AGAP1: variants seen among roughly 807,000 people sequenced by gnomAD.
AGAP1 encodes ArfGAP with GTPase domain, ankyrin repeat and PH domain 1, also known as arf-GAP with GTPase, ANK repeat and PH domain-containing protein 1.
In AGAP1, 29 loss-of-function variants were observed where a neutral mutation model predicts 105.3. The observed-to-expected ratio is 0.28, with a 90% CI of 0.21 to 0.38. The LOEUF (loss-of-function observed/expected upper bound fraction) is 0.38, where lower values mean the gene tolerates loss of function less well. AGAP1 is among the 10% of genes least tolerant of loss of function. AGAP1 has a pLI of 1.00. For synonymous variants in AGAP1, 509 were observed against 485.9 expected, an observed-to-expected ratio of 1.05 and a Z score of -0.63; for missense variants, 998 against 1,165.1, an observed-to-expected ratio of 0.86 and a Z score of 2.09.
intron 6 of AGAP1, among the ~76,000 whole-genome samples, chr2:235,778,465 T>G (rs1358334522): frequency 6.6e-6 from 1 of 152,186 alleles, no homozygotes; most frequent in Non-Finnish European, 1.5e-5. Flanking sequence ...AGAGTCCCTG[T>G]CCTCATGCTT....
chr2:235,858,575 T>C (rs144590953), intron 9 of AGAP1, among the ~76,000 whole-genome samples: 53 of 152,270 alleles, frequency 3.5e-4, no homozygotes, highest in African/African-American at 1.2e-3. Flanking sequence ...AACTAATAAC[T>C]GTTACTGAGA....
Position 236,012,115 on chromosome 2 carries a change from C to T in AGAP1, c.1646-24446C>T, listed in dbSNP as rs574934641. The stretch of plus-strand genomic sequence containing the variant: ...TTTGTTTAAGGGGAAGAAACAGGCA[C>T]GACATTTTGCACATTAAAATGGATT... On this transcript the variant is annotated intron_variant, in intron 13 of 17. Coordinates refer to ENST00000304032, the MANE Select transcript of AGAP1 (RefSeq NM_001037131.3). The surrounding 1 kb of genome is among the most constrained non-coding windows in gnomAD (Gnocchi z 4.9). 6.6e-5 allele frequency among the ~76,000 whole-genome samples: 10 copies of T among 152,072 alleles called. No homozygotes were observed. The highest frequency in any genetic ancestry group is 1.2e-4 in the Non-Finnish European group (8 of 68,010).
rs869231540 is a variant in AGAP1 at position 236,005,120 on chromosome 2, G to GTT, written c.1646-31436_1646-31435dup. Among the ~76,000 whole-genome samples the GTT allele has an allele frequency of 1.1e-4, 15 of 141,558 alleles. No homozygotes were observed. The highest frequency in any genetic ancestry group is 1.5e-4 in the Non-Finnish European group (10 of 65,224). 92.9% of individuals were successfully genotyped at this position (141,558 alleles called of 152,430 possible). A position where few individuals can be genotyped will look rare whatever the true frequency, so the allele number is the denominator to read the frequency against. On this transcript the variant is annotated intron_variant, in intron 13 of 17. Transcript: ENST00000304032. The surrounding 1 kb of genome is among the most constrained non-coding windows in gnomAD (Gnocchi z 4.1). Reference sequence around the variant, plus strand: ...CACTTCCCCCTGACAAGTTTCCCATGTTTTTTGTGTGTGTGTGTGTTTTGG... The same window carrying GTT: ...CACTTCCCCCTGACAAGTTTCCCATGTTTTTTTTGTGTGTGTGTGTGTTTTGG...
intron 13 of AGAP1, among the ~76,000 whole-genome samples, chr2:236,008,168 T>C (rs2056387362): frequency 6.6e-6 from 1 of 152,138 alleles, no homozygotes; most frequent in Non-Finnish European, 1.5e-5. Flanking sequence ...CTGATCACGG[T>C]AAAGTTATTT....
chr2:236,120,546 C>A lies in AGAP1; in HGVS notation c.2370+99C>A. On this transcript the variant is annotated intron_variant, in intron 17 of 17. Transcript: ENST00000304032. The surrounding 1 kb of genome is among the most constrained non-coding windows in gnomAD (Gnocchi z 6.0). ...ATCTTTCTGGCAGAAGGCTGTTGTT[C>A]TCGATCTGCAAGTGGAAACAGTTCC... 1.3e-6 allele frequency: 2 copies of A among 1,553,402 alleles called. No homozygotes were observed. Among genetic ancestry groups the A allele is most frequent in the Non-Finnish European group, 8.7e-7 (1 of 1,153,244 alleles).
chr2:236,018,707 G>C (rs1321136752), intron 13 of AGAP1, among the ~76,000 whole-genome samples: 3 of 152,184 alleles, frequency 2.0e-5, no homozygotes, highest in Non-Finnish European at 4.4e-5. Context: ...TCTTCAAATA[G>C]GTGATGACAC....
intron 9 of AGAP1, among the ~76,000 whole-genome samples, chr2:235,868,416 T>C (rs1450601844): frequency 6.6e-6 from 1 of 152,194 alleles, no homozygotes; most frequent in African/African-American, 2.4e-5. Flanking sequence ...TGAGGAATGC[T>C]GCCCGCAGAG....
At chr2:235,697,837 A>G (rs1385764995) in intron 1 of AGAP1, among the ~76,000 whole-genome samples, 1 of 152,166 alleles carries the variant, frequency 6.6e-6, no homozygotes, top group Admixed American at 6.5e-5. Context: ...TCAGCATATG[A>G]ATTGTAAATA....
chr2:236,004,112 C>T (rs933315433), intron 13 of AGAP1, among the ~76,000 whole-genome samples: 3 of 152,140 alleles, frequency 2.0e-5, no homozygotes, highest in African/African-American at 7.2e-5. Flanking sequence ...GCAAACCCTC[C>T]TCCTGTGTAA....
chr2:235,518,990 A>C (rs944230855), intron 1 of AGAP1, among the ~76,000 whole-genome samples: 1 of 152,246 alleles, frequency 6.6e-6, no homozygotes, highest in Admixed American at 6.5e-5. Flanking sequence ...GGGTCAGAGC[A>C]GACCTCAACA....
At chr2:235,880,741 A>G (rs1648403222) in intron 9 of AGAP1, among the ~76,000 whole-genome samples, 1 of 149,776 alleles carries the variant, frequency 6.7e-6, no homozygotes, top group African/African-American at 2.4e-5. Context: ...CTCCGTCTCA[A>G]AAAAAAAAAA....
At chr2:236,034,530 C>T (rs1057399760) in intron 13 of AGAP1, among the ~76,000 whole-genome samples, 3 of 152,120 alleles carry the variant, frequency 2.0e-5, no homozygotes, top group South Asian at 2.1e-4. Context: ...CAACCAGACC[C>T]TCCCATCCTG....
chr2:235,844,825 C>T (rs770987115), intron 9 of AGAP1, among the ~76,000 whole-genome samples: 5 of 152,208 alleles, frequency 3.3e-5, no homozygotes, highest in Non-Finnish European at 7.3e-5. Flanking sequence ...GTCTTCCTGG[C>T]TTTCCTCTCC....
Position 235,823,333 on chromosome 2 carries a change from C to G in AGAP1, c.1050+16002C>G, listed in dbSNP as rs140242454. Among the ~76,000 whole-genome samples the G allele has an allele frequency of 5.8e-3, 886 of 152,274 alleles. 7 individuals carry two copies. The highest frequency in any genetic ancestry group is 6.8e-3 in the Middle Eastern group (2 of 294). ...CTGAGTGCTGTCTTTCCCCACCTCC[C>G]CGTATCACCCAGGCTGGTCTCGAGC... On this transcript the variant is annotated intron_variant, in intron 9 of 17. Transcript: ENST00000304032.
At position 236,003,599 on chromosome 2, in the gene AGAP1, C is replaced by T. The variant is rs1321328741; in HGVS notation, c.1646-32962C>T. 6.6e-6 allele frequency among the ~76,000 whole-genome samples: 1 copy of T among 152,230 alleles called. No individual in the cohort carries two copies. Among genetic ancestry groups the T allele is most frequent in the Non-Finnish European group, 1.5e-5 (1 of 68,040 alleles). On this transcript the variant is annotated intron_variant, in intron 13 of 17. Transcript: ENST00000304032. The surrounding 1 kb of genome is among the most constrained non-coding windows in gnomAD (Gnocchi z 4.2). ...ATGGGGTACCCTTAAGTCCCACATC[C>T]AAGCTCCCTCCACCCCACACTCTCC... is the stretch of plus-strand genomic sequence containing the variant.
chr2:235,782,797 A>G (rs892753819), intron 6 of AGAP1, among the ~76,000 whole-genome samples: 1 of 152,160 alleles, frequency 6.6e-6, no homozygotes, highest in African/African-American at 2.4e-5. Context: ...CTTGGATGGT[A>G]TTGAGGAAAC....
intron 1 of AGAP1, among the ~76,000 whole-genome samples, chr2:235,571,932 T>TGTGTGTGTGTGTGTG (rs1944529407): frequency 4.8e-5 from 5 of 103,608 alleles, no homozygotes; most frequent in African/African-American, 1.2e-4. Context: ...TGCCCACACT[T>TGTGTGTGTGTGTGTG]TGTGTGTGTG....
In AGAP1 at chr2:235,752,644, A is replaced by G. The variant is rs558360652; in HGVS notation, c.673+2156A>G. Among the ~76,000 whole-genome samples, 88 of 152,320 alleles carry G rather than the reference A, an allele frequency of 5.8e-4. 1 individual carries two copies. The highest frequency in any genetic ancestry group is 2.1e-3 in the African/African-American group (86 of 41,578). On this transcript the variant is annotated intron_variant, in intron 6 of 17. Coordinates refer to ENST00000304032, the MANE Select transcript of AGAP1 (RefSeq NM_001037131.3). The surrounding 1 kb of genome is among the most constrained non-coding windows in gnomAD (Gnocchi z 4.3). The stretch of plus-strand genomic sequence containing the variant: ...CAGAGAGCTTGCCGGTCCCCGATGC[A>G]GGATATCAGGGACTCAGTTGTCTGG...
rs944126189 is a variant in AGAP1, at chr2:236,001,716, A to G, written c.1645+33093A>G. Among the ~76,000 whole-genome samples the G allele has an allele frequency of 6.6e-6, 1 of 152,190 alleles. No homozygotes were observed. The highest frequency in any genetic ancestry group is 1.5e-5 in the Non-Finnish European group (1 of 68,030). The stretch of plus-strand genomic sequence containing the variant: ...TTTTGTTTTGTTTCTGTATAAGATC[A>G]TACCATGTATATTCTGGAATTTTAC... On this transcript the variant is annotated intron_variant, in intron 13 of 17. Coordinates refer to ENST00000304032, the MANE Select transcript of AGAP1 (RefSeq NM_001037131.3). This position sits in a 1 kb window ranked among gnomAD's most constrained non-coding sequence, Gnocchi z 4.7.
Sources: gnomAD v4.1 joint callset for allele counts (sites outside exome capture counted in the v4.1 genomes callset) on GRCh38, gnomAD v4.1.1 for gene constraint, Gnocchi (gnomAD v3.1) non-coding constraint, MANE v1.5 for transcripts, NCBI Gene and HGNC (gene_info 2026-07-23, HGNC 2026-07-21) for gene names.